Variants in LINGO2 observed in about 807,000 individuals in gnomAD.
LINGO2 encodes the protein leucine rich repeat and Ig domain containing 2.
LINGO2 carries 14 observed loss-of-function variants against 30.6 expected under a neutral mutation model. That is an observed-to-expected ratio of 0.46 (90% confidence interval 0.30 to 0.72). LINGO2 has a LOEUF of 0.72. LINGO2 is among the 30% of genes least tolerant of loss of function. The pLI, the probability that LINGO2 is intolerant of heterozygous loss-of-function variation, is 0.07. For synonymous variants in LINGO2, 317 were observed against 288.5 expected (o/e 1.10, Z -1.00); for missense variants, 729 against 751.7 (o/e 0.97, Z 0.35).
At chr9:28,691,145 C>A in the LINGO2 span, among the ~76,000 whole-genome samples, 2 of 152,072 alleles carry the variant, frequency 1.3e-5, no homozygotes, top group African/African-American at 4.8e-5. Context: ...TGCTTTAAAC[C>A]AAAAGAATTA....
At chr9:28,154,925 G>A (rs1237512572) in intron 4 of LINGO2, among the ~76,000 whole-genome samples, 1 of 152,154 alleles carries the variant, frequency 6.6e-6, no homozygotes, top group Non-Finnish European at 1.5e-5. Context: ...TAAAAATCAT[G>A]AATCACTAGC....
chr9:28,815,228 G>A, the LINGO2 span, among the ~76,000 whole-genome samples: 2 of 152,140 alleles, frequency 1.3e-5, no homozygotes, highest in Admixed American at 6.5e-5. Context: ...ATAGGTGAGC[G>A]AAATTCCTGA....
intron 4 of LINGO2, among the ~76,000 whole-genome samples, chr9:28,221,339 AGATT>A (rs1470601511): frequency 1.4e-5 from 2 of 147,506 alleles, no homozygotes; most frequent in African/African-American, 5.0e-5. Context: ...AAGATAGAGG[AGATT>A]AAGTGTTCTC....
intron 5 of LINGO2, among the ~76,000 whole-genome samples, chr9:27,964,924 T>A (rs1285393336): frequency 6.6e-6 from 1 of 152,220 alleles, no homozygotes; most frequent in East Asian, 1.9e-4. Flanking sequence ...TATATGTATG[T>A]TGCCTTCAAC....
intron 4 of LINGO2, among the ~76,000 whole-genome samples, chr9:28,189,142 T>C (rs928861019): frequency 1.3e-5 from 2 of 151,626 alleles, no homozygotes; most frequent in Admixed American, 6.6e-5. Flanking sequence ...GTTAGCTTTA[T>C]ACACCTTTCC....
the LINGO2 span, among the ~76,000 whole-genome samples, chr9:29,200,717 A>C: frequency 1.3e-5 from 2 of 151,984 alleles, no homozygotes; most frequent in Non-Finnish European, 2.9e-5. Context: ...CTTTATTCAG[A>C]TCTCCTTAGT....
At chr9:28,711,193 A>T in the LINGO2 span, among the ~76,000 whole-genome samples, 535 of 152,276 alleles carry the variant, frequency 3.5e-3, 7 homozygotes, top group African/African-American at 0.012. Flanking sequence ...TTTAGATTAA[A>T]AATATATTTT....
At chr9:28,431,042 G>GAGAGAGAGAGAGAT (rs1823653446) in intron 2 of LINGO2, among the ~76,000 whole-genome samples, 1 of 76,518 alleles carries the variant, frequency 1.3e-5, no homozygotes, top group Non-Finnish European at 3.8e-5. Context: ...GAGAGAGAGA[G>GAGAGAGAGAGAGAT]AGAGAGAGAG....
rs140012620 is a variant in LINGO2 at position 28,030,534 on chromosome 9, T to G, written c.-86-18129A>C. Among the ~76,000 whole-genome samples, 283 of 152,214 alleles carry G rather than the reference T, an allele frequency of 1.9e-3. 2 individuals are homozygous for G. Among genetic ancestry groups the G allele is most frequent in the Middle Eastern group, 0.014 (4 of 294 alleles). ...GCTAAATATCTGGCAATCCCAAATG[T>G]ATAAAATGGCCTGGAAGTGGGAAAT... On this transcript the variant is annotated intron_variant, in intron 4 of 5. Transcript: ENST00000379992.
chr9:28,083,583 T>C (rs369359120), intron 4 of LINGO2, among the ~76,000 whole-genome samples: 1 of 152,248 alleles, frequency 6.6e-6, no homozygotes, highest in Middle Eastern at 3.4e-3. Flanking sequence ...TTTATGGTTG[T>C]AGGTTAGATT....
chr9:28,603,360 C>T (rs931617966), intron 1 of LINGO2, among the ~76,000 whole-genome samples: 30 of 151,910 alleles, frequency 2.0e-4, no homozygotes, highest in Admixed American at 1.2e-3. Context: ...ACAGTAGGCA[C>T]TCAATAAATA....
intron 4 of LINGO2, among the ~76,000 whole-genome samples, chr9:28,023,729 T>C (rs111531246): frequency 9.2e-5 from 14 of 152,282 alleles, no homozygotes; most frequent in African/African-American, 1.7e-4. Flanking sequence ...ATGGTAACTC[T>C]TCTTCTTCTC....
chr9:28,562,457 C>CCA (rs72314361), intron 1 of LINGO2, among the ~76,000 whole-genome samples: 3 of 109,206 alleles, frequency 2.7e-5, no homozygotes, highest in African/African-American at 3.7e-5. Context: ...CATTTACTTT[C>CCA]AAAAAAAAAA....
chr9:28,670,967 T>C (rs1433153110), upstream of LINGO2, among the ~76,000 whole-genome samples: 2 of 152,142 alleles, frequency 1.3e-5, no homozygotes, highest in African/African-American at 4.8e-5. Flanking sequence ...TTCAATTATC[T>C]GGGGAAGAAA....
chr9:28,818,055 A>T, the LINGO2 span, among the ~76,000 whole-genome samples: 2 of 152,192 alleles, frequency 1.3e-5, no homozygotes, highest in African/African-American at 4.8e-5. Flanking sequence ...ATCACAGAAA[A>T]AATACTTTTT....
intron 4 of LINGO2, among the ~76,000 whole-genome samples, chr9:28,252,332 TCTC>T (rs747705662): frequency 2.0e-5 from 3 of 152,114 alleles, no homozygotes; most frequent in Non-Finnish European, 4.4e-5. Context: ...TTCAAGTGAT[TCTC>T]CTGCCTCAGT....
the LINGO2 span, among the ~76,000 whole-genome samples, chr9:28,791,676 T>A: frequency 6.6e-6 from 1 of 152,008 alleles, no homozygotes; most frequent in South Asian, 2.1e-4. Context: ...TACTTTACTC[T>A]GAATTAATAA....
At chr9:28,354,321 T>A (rs1274512184) in intron 3 of LINGO2, among the ~76,000 whole-genome samples, 1 of 152,188 alleles carries the variant, frequency 6.6e-6, no homozygotes, top group African/African-American at 2.4e-5. Flanking sequence ...TATTTTATGG[T>A]AATTATGCAA....
At chr9:28,993,344 T>C in the LINGO2 span, among the ~76,000 whole-genome samples, 2 of 152,144 alleles carry the variant, frequency 1.3e-5, no homozygotes, top group Admixed American at 6.5e-5. Context: ...AATAGACCAA[T>C]AACTGGCTCT....
Sources: allele counts gnomAD v4.1 joint callset (sites outside exome capture counted in the v4.1 genomes callset), GRCh38; gene constraint gnomAD v4.1.1; transcripts MANE v1.5; gene names NCBI Gene and HGNC (gene_info 2026-07-23, HGNC 2026-07-21).